COL24A1: variants seen among roughly 807,000 people sequenced by gnomAD.
COL24A1 encodes collagen type XXIV alpha 1 chain.
A neutral mutation model predicts 253.9 loss-of-function variants in COL24A1; 224 were observed. That is an observed-to-expected ratio of 0.88 (90% confidence interval 0.79 to 0.99). The LOEUF is 0.99. Among genes scored for constraint, COL24A1 ranks in the 50% least tolerant of loss-of-function variants. COL24A1 has a pLI of 0.00. For synonymous variants in COL24A1, 685 were observed against 673.7 expected (o/e 1.02, Z -0.26); for missense variants, 2,131 against 2,068.5 (o/e 1.03, Z -0.59).
At chr1:85,950,132 T>C (rs912232981) in intron 24 of COL24A1, among the ~76,000 whole-genome samples, 1 of 152,222 alleles carries the variant, frequency 6.6e-6, no homozygotes, top group Non-Finnish European at 1.5e-5. Flanking sequence ...TGCTCTTTTA[T>C]TATAGCCATA....
Position 86,150,936 on chromosome 1 carries a change from A to T in COL24A1, c.57-4753T>A, listed in dbSNP as rs1405376525. Among the ~76,000 whole-genome samples, 6 of 152,172 alleles carry T rather than the reference A, an allele frequency of 3.9e-5. 1 individual carries two copies. The highest frequency in any genetic ancestry group is 4.1e-4 in the South Asian group (2 of 4,836). Reference sequence around the variant, plus strand: ...CAAATTTTATGTTTTTGTGTTTTACATTCCAAATGTAAAATCCTATAATTT... The same window carrying T: ...CAAATTTTATGTTTTTGTGTTTTACTTTCCAAATGTAAAATCCTATAATTT... On this transcript the variant is annotated intron_variant, in intron 1 of 59. Transcript: ENST00000370571.
intron 4 of COL24A1, among the ~76,000 whole-genome samples, chr1:86,115,114 G>A (rs1706010411): frequency 6.6e-6 from 1 of 152,160 alleles, no homozygotes; most frequent in African/African-American, 2.4e-5. Flanking sequence ...TGTTGGACAC[G>A]TTCACAGAGA....
At chr1:86,058,721 T>G (rs1422505384) in intron 9 of COL24A1, among the ~76,000 whole-genome samples, 1 of 150,762 alleles carries the variant, frequency 6.6e-6, no homozygotes, top group African/African-American at 2.4e-5. Context: ...TGTTTGGTAG[T>G]GGTATACTGT....
chr1:86,023,616 A>C (rs1571638559), intron 14 of COL24A1, among the ~76,000 whole-genome samples: 1 of 152,248 alleles, frequency 6.6e-6, no homozygotes, highest in Non-Finnish European at 1.5e-5. Flanking sequence ...GTTGAAGAAA[A>C]AAAGAGAAAA....
chr1:85,782,341 G>A (rs1204810133), intron 51 of COL24A1, among the ~76,000 whole-genome samples: 4 of 152,150 alleles, frequency 2.6e-5, no homozygotes, highest in African/African-American at 9.7e-5. Flanking sequence ...ACCCGCCTTG[G>A]CCTCCCAAAG....
intron 20 of COL24A1, among the ~76,000 whole-genome samples, chr1:85,972,780 A>G (rs1692302416): frequency 6.6e-6 from 1 of 152,204 alleles, no homozygotes; most frequent in Non-Finnish European, 1.5e-5. Flanking sequence ...ATTCAGCCCA[A>G]CTGAAGCACG....
At chr1:86,003,905 A>G (rs1413271851) in intron 19 of COL24A1, among the ~76,000 whole-genome samples, 1 of 152,194 alleles carries the variant, frequency 6.6e-6, no homozygotes, top group African/African-American at 2.4e-5. Context: ...ACCATGAAGG[A>G]GGTTATAAAA....
chr1:85,967,076 A>G lies in COL24A1; in HGVS notation c.2464-2014T>C, dbSNP rs184661385. 7.2e-5 allele frequency among the ~76,000 whole-genome samples: 11 copies of G among 152,310 alleles called. No homozygotes were observed. In the East Asian group the frequency reaches 2.1e-3, roughly 29 times the overall value. ...GTCAAAAGGACAGGGTATGTAGTAA[A>G]CAAGTGGAAGTTTTCCTTAGCTTGA... On this transcript the variant is annotated intron_variant, in intron 22 of 59. Coordinates refer to ENST00000370571, the MANE Select transcript of COL24A1 (RefSeq NM_152890.7).
At chr1:85,817,457 T>C (rs1673156226) in intron 46 of COL24A1, among the ~76,000 whole-genome samples, 1 of 152,156 alleles carries the variant, frequency 6.6e-6, no homozygotes, top group South Asian at 2.1e-4. Context: ...TATTTTTTTT[T>C]CAAGCCAATA....
intron 19 of COL24A1, among the ~76,000 whole-genome samples, chr1:85,990,297 C>T (rs1694130994): frequency 6.6e-6 from 1 of 152,194 alleles, no homozygotes; most frequent in East Asian, 1.9e-4. Context: ...CAGCAGTCTC[C>T]AACCTTTTTG....
chr1:85,945,024 T>TG (rs1689188461), intron 24 of COL24A1, among the ~76,000 whole-genome samples: 1 of 115,218 alleles, frequency 8.7e-6, no homozygotes, highest in East Asian at 2.4e-4. Flanking sequence ...TTTTTTTTTT[T>TG]TTTTTTTTTT....
Position 85,744,661 on chromosome 1 carries a change from C to T in COL24A1, c.4672+5G>A. The stretch of plus-strand genomic sequence containing the variant: ...TATCAGAGTTTGAGGTAACCAAGAA[C>T]TTACCATCTGATACTTTTTGTTCAC... On this transcript the variant is annotated splice_donor_5th_base_variant and intron_variant, in intron 57 of 59. Transcript: ENST00000370571. The T allele has an allele frequency of 6.3e-7, 1 of 1,599,514 alleles. No individual in the cohort carries two copies. The highest frequency in any genetic ancestry group is 8.5e-7 in the Non-Finnish European group (1 of 1,171,970).
chr1:86,111,209 C>T (rs150946326), intron 5 of COL24A1, among the ~76,000 whole-genome samples: 6,372 of 125,470 alleles, frequency 0.051, 1,767 homozygotes, highest in South Asian at 0.11. Context: ...GTGTCTAGCT[C>T]GGGGTTTGTG....
At chr1:85,775,925 G>A (rs1266254896) in intron 52 of COL24A1, among the ~76,000 whole-genome samples, 1 of 152,100 alleles carries the variant, frequency 6.6e-6, no homozygotes, top group East Asian at 1.9e-4. Context: ...CTGCTTTGCT[G>A]TTCCTAGTTC....
At chr1:85,917,555 G>A (rs1275218002) in intron 24 of COL24A1, among the ~76,000 whole-genome samples, 2 of 146,940 alleles carry the variant, frequency 1.4e-5, no homozygotes, top group Non-Finnish European at 3.0e-5. Context: ...ATTTATTCAT[G>A]TTTTGGGCTT....
At chr1:86,103,768 C>T (rs1467479954) in intron 5 of COL24A1, among the ~76,000 whole-genome samples, 1 of 152,204 alleles carries the variant, frequency 6.6e-6, no homozygotes, top group Non-Finnish European at 1.5e-5. Context: ...GTCTGATAGG[C>T]TTCCCTTTCT....
At chr1:85,870,362 A>T (rs1164762963) in intron 35 of COL24A1, among the ~76,000 whole-genome samples, 1 of 152,244 alleles carries the variant, frequency 6.6e-6, no homozygotes, top group Admixed American at 6.5e-5. Flanking sequence ...AGACATCTAC[A>T]GAACTTTCCA....
At chr1:85,983,738 G>T (rs375111326) in intron 20 of COL24A1, among the ~76,000 whole-genome samples, 10 of 151,812 alleles carry the variant, frequency 6.6e-5, no homozygotes, top group African/African-American at 1.9e-4. Context: ...TGTTAACAGG[G>T]TCAGTATGTT....
chr1:86,149,277 C>G (rs577702447), intron 1 of COL24A1, among the ~76,000 whole-genome samples: 2 of 152,288 alleles, frequency 1.3e-5, no homozygotes, highest in East Asian at 3.9e-4. Flanking sequence ...GTCCATAACA[C>G]AGGCATTTTA....
Sources: allele counts gnomAD v4.1 joint callset (sites outside exome capture counted in the v4.1 genomes callset), GRCh38; gene constraint gnomAD v4.1.1; transcripts MANE v1.5; gene names NCBI Gene and HGNC (gene_info 2026-07-23, HGNC 2026-07-21).